Variants in GLDC observed in about 807,000 individuals in gnomAD.
GLDC encodes the protein glycine dehydrogenase (decarboxylating), mitochondrial.
GLDC carries 104 observed loss-of-function variants against 121.3 expected under a neutral mutation model. The observed-to-expected ratio is 0.86, with a 90% CI of 0.73 to 1.01. The LOEUF is 1.01. GLDC is among the 50% of genes least tolerant of loss of function. GLDC has a pLI of 0.00. For missense variants in GLDC, 1,429 were observed against 1,306.6 expected, an observed-to-expected ratio of 1.09 and a Z score of -1.44; for synonymous variants, 546 against 480.6, an observed-to-expected ratio of 1.14 and a Z score of -1.78.
At chr9:6,547,488 GTGTGATGGCCACTCTCATA>G (rs1450898307) in intron 21 of GLDC, among the ~76,000 whole-genome samples, 1 of 152,112 alleles carries the variant, frequency 6.6e-6, no homozygotes, top group African/African-American at 2.4e-5. Context: ...CTAGGCCCCT[GTGTGATGGCCACTCTCATA>G]TGTTATCACT....
At position 6,536,142 on chromosome 9, in the gene GLDC, A is replaced by G. The variant is rs1817122610; in HGVS notation, c.2760T>C (p.Cys920=). Residue 920 remains cysteine (C), a synonymous_variant, in exon 23 of 25, where the codon TGT becomes TGC. Coordinates refer to ENST00000321612, the MANE Select transcript of GLDC (RefSeq NM_000170.3). ...CCTGCCGAATGCTGATCATGGCATC[A>G]CAGAATCTGTCCAGCTCTGCCTTGT... ...SEDKAELDRF[C]DAMISIRQEI... is the part of the protein sequence containing the mutation. 1.2e-6 allele frequency: 2 copies of G among 1,614,046 alleles called. No individual in the cohort carries two copies. The highest frequency in any genetic ancestry group is 1.3e-5 in the African/African-American group (1 of 75,044).
chr9:6,632,577 C>T (rs1819407121), intron 2 of GLDC, among the ~76,000 whole-genome samples: 1 of 152,218 alleles, frequency 6.6e-6, no homozygotes, highest in Non-Finnish European at 1.5e-5. Flanking sequence ...TTAAGCAAGG[C>T]ACAGTGCTAT....
At chr9:6,645,221 G>A (rs369277140) in intron 1 of GLDC, 24 bp downstream of exon 1, 178 of 1,564,788 alleles carry the variant, frequency 1.1e-4, no homozygotes, top group Admixed American at 2.2e-4. Context: ...GGGAGGCCGC[G>A]GAGGGCCGGG....
At chr9:6,566,835 C>T (rs1226249198) in intron 15 of GLDC, among the ~76,000 whole-genome samples, 1 of 152,162 alleles carries the variant, frequency 6.6e-6, no homozygotes, top group Non-Finnish European at 1.5e-5. Flanking sequence ...ATGTTACCCA[C>T]AGAAAATCGG....
At chr9:6,592,341 C>T in intron 10 of GLDC, 118 bp from the exon 11 acceptor site, 1 of 738,426 alleles carries the variant, frequency 1.4e-6, no homozygotes, top group South Asian at 1.4e-5. Flanking sequence ...TCCAAAATAT[C>T]AGGGTACAAT....
Position 6,634,739 on chromosome 9 carries a change from A to G in GLDC, c.334+9875T>C, listed in dbSNP as rs556578130. On this transcript the variant is annotated intron_variant, in intron 2 of 24. Coordinates refer to ENST00000321612, the MANE Select transcript of GLDC (RefSeq NM_000170.3). ...TCTCTTAGATCTGTTCTGTACTGTAAGACTCTTCCTACCCAGTCTTCATTC... is the reference window on the plus strand; with the variant it reads ...TCTCTTAGATCTGTTCTGTACTGTAGGACTCTTCCTACCCAGTCTTCATTC... Among the ~76,000 whole-genome samples the G allele has an allele frequency of 2.0e-5, 3 of 152,140 alleles. No homozygotes were observed. The South Asian group carries it at 6.2e-4, about 32-fold the overall frequency.
chr9:6,539,024 T>C (rs1223617760), intron 22 of GLDC, among the ~76,000 whole-genome samples: 6 of 152,182 alleles, frequency 3.9e-5, no homozygotes, highest in African/African-American at 1.2e-4. Flanking sequence ...GATGCAGTAG[T>C]GAAACTATTA....
intron 3 of GLDC, among the ~76,000 whole-genome samples, chr9:6,612,772 G>A (rs899780455): frequency 7.2e-5 from 11 of 152,174 alleles, no homozygotes; most frequent in African/African-American, 2.7e-4. Flanking sequence ...TGAGGCAGAA[G>A]AATCGCTTGA....
intron 2 of GLDC, chr9:6,639,337 C>T: frequency 1.1e-6 from 1 of 939,708 alleles, no homozygotes; most frequent in Non-Finnish European, 1.7e-6. Flanking sequence ...GAAGAGCGCC[C>T]CCAGGAGAAA....
At chr9:6,643,145 G>C in intron 2 of GLDC, among the ~76,000 whole-genome samples, 1 of 151,968 alleles carries the variant, frequency 6.6e-6, no homozygotes. Flanking sequence ...CGATCCACCT[G>C]CCTAGACCTC....
intron 22 of GLDC, among the ~76,000 whole-genome samples, chr9:6,537,653 T>G (rs553045762): frequency 7.7e-4 from 117 of 152,248 alleles, no homozygotes; most frequent in Admixed American, 1.2e-3. Context: ...TGGTGGTATG[T>G]GCCTGTAATC....
chr9:6,553,189 T>G (rs1817550970), intron 20 of GLDC, among the ~76,000 whole-genome samples, 179 bp downstream of exon 20: 1 of 152,160 alleles, frequency 6.6e-6, no homozygotes, highest in Admixed American at 6.5e-5. Flanking sequence ...GATGAAATGA[T>G]TTTTAGCTCA....
chr9:6,636,199 G>A (rs1037065097), intron 2 of GLDC, among the ~76,000 whole-genome samples: 2 of 151,960 alleles, frequency 1.3e-5, no homozygotes, highest in African/African-American at 4.8e-5. Flanking sequence ...GCCTACTCAG[G>A]AAGCTGAGGC....
chr9:6,631,952 A>G (rs2578274), intron 2 of GLDC, among the ~76,000 whole-genome samples: 17,468 of 152,100 alleles, frequency 0.11, 1,102 homozygotes, highest in Middle Eastern at 0.18. Flanking sequence ...TGTAGTCCAG[A>G]TACTCAGGAA....
intron 2 of GLDC, among the ~76,000 whole-genome samples, chr9:6,634,519 A>G (rs1325295945): frequency 6.8e-6 from 1 of 147,610 alleles, no homozygotes; most frequent in African/African-American, 2.6e-5. Flanking sequence ...ACATAACCAG[A>G]CCGTGTCTCA....
chr9:6,610,800 A>G (rs562272453), intron 3 of GLDC, among the ~76,000 whole-genome samples: 16 of 152,240 alleles, frequency 1.1e-4, no homozygotes, highest in African/African-American at 3.9e-4. Context: ...GGGTTTTGTC[A>G]TGTTACCCAA....
intron 21 of GLDC, among the ~76,000 whole-genome samples, chr9:6,549,001 C>G (rs1327485753): frequency 6.6e-6 from 1 of 152,214 alleles, no homozygotes; most frequent in Non-Finnish European, 1.5e-5. Context: ...CCATCCACAT[C>G]TCAGCCCATT....
At chr9:6,573,501 TAAA>T in intron 15 of GLDC, among the ~76,000 whole-genome samples, 2 of 150,308 alleles carry the variant, frequency 1.3e-5, no homozygotes, top group African/African-American at 4.9e-5. Flanking sequence ...TGTGATTTTT[TAAA>T]AAAAAATCCA....
At chr9:6,620,426 T>C in intron 2 of GLDC, 107 bp from the exon 3 acceptor site, 2 of 971,256 alleles carry the variant, frequency 2.1e-6, no homozygotes, top group Non-Finnish European at 3.3e-6. Context: ...AGAATAACTA[T>C]ATGGAAAATG....
Sources: gnomAD v4.1 joint callset for allele counts (sites outside exome capture counted in the v4.1 genomes callset) on GRCh38, gnomAD v4.1.1 for gene constraint, MANE v1.5 for transcripts, NCBI Gene and HGNC (gene_info 2026-07-23, HGNC 2026-07-21) for gene names.